CPSF6: variants seen among roughly 807,000 people sequenced by gnomAD.
The protein encoded by CPSF6 is cleavage and polyadenylation specificity factor subunit 6.
Under a neutral mutation model 56.7 loss-of-function variants are expected in CPSF6, and 10 were observed. The observed-to-expected ratio is 0.18, with a 90% CI of 0.11 to 0.30. The LOEUF (loss-of-function observed/expected upper bound fraction) is 0.30, where lower values mean the gene tolerates loss of function less well. Among genes scored for constraint, CPSF6 ranks in the 10% least tolerant of loss-of-function variants. The pLI is 1.00. For synonymous variants in CPSF6, 248 were observed against 244.8 expected, an observed-to-expected ratio of 1.01 and a Z score of -0.12; for missense variants, 419 against 722.9, an observed-to-expected ratio of 0.58 and a Z score of 4.82.
At chr12:69,248,491 G>A (rs1872031451) in intron 1 of CPSF6, among the ~76,000 whole-genome samples, 1 of 152,294 alleles carries the variant, frequency 6.6e-6, no homozygotes, top group African/African-American at 2.4e-5. Context: ...AGTATCTTAA[G>A]TGCATGGAAC....
chr12:69,256,429 T>A (rs1872512093), intron 3 of CPSF6, among the ~76,000 whole-genome samples: 1 of 152,238 alleles, frequency 6.6e-6, no homozygotes, highest in Non-Finnish European at 1.5e-5. Context: ...TTTTAGTTTT[T>A]AAAATTATTT....
chr12:69,251,946 ATGTT>A (rs1454308003), intron 2 of CPSF6: 52 of 441,922 alleles, frequency 1.2e-4, no homozygotes, highest in South Asian at 4.0e-4. Context: ...GTCCTATAGA[ATGTT>A]TGTATTTCTA....
Position 69,258,619 on chromosome 12 carries a change from G to T in CPSF6, c.724G>T (p.Gly242Cys). The T allele has an allele frequency of 6.2e-7, 1 of 1,613,070 alleles. No homozygotes were observed. The highest frequency in any genetic ancestry group is 8.5e-7 in the Non-Finnish European group (1 of 1,179,614). Residue 242 changes from glycine (G) to cysteine (C), a missense_variant, in exon 6 of 10, where the codon GGT becomes TGT. Gly to Cys is a radical substitution (Grantham distance 159, BLOSUM62 -3). Around this residue, in one of 4 missense-constraint regions of CPSF6, gnomAD observed 211 missense variants for 296.0 expected, o/e 0.71. Transcript: ENST00000435070. The surrounding 1 kb of genome is among the most constrained non-coding windows in gnomAD (Gnocchi z 4.2). ...ACAGACTCCACCACGTCCACCCTTA[G>T]GTCCTCCAGGCCCACCTGGTCCACC... ...AGQTPPRPPL[G>C]PPGPPGPPGP... is the part of the protein sequence containing the mutation.
intron 3 of CPSF6, among the ~76,000 whole-genome samples, chr12:69,255,806 A>C (rs1361801686): frequency 6.6e-6 from 1 of 152,034 alleles, no homozygotes. Context: ...CAAAGTGCTG[A>C]GATTATAGGC....
chr12:69,274,022 A>G lies in CPSF6; in HGVS notation c.*4514A>G, dbSNP rs1209069137. On this transcript the variant is annotated 3_prime_UTR_variant, in exon 10 of 10. Transcript: ENST00000435070. ...TGTTTAATATCAGAAGGCCAAAGAA[A>G]GTCTTAAAATTTTAGCTATTGACTC... 1 of 151,772 alleles carries G rather than the reference A, an allele frequency of 6.6e-6. No individual in the cohort carries two copies. Among genetic ancestry groups the G allele is most frequent in the Non-Finnish European group, 1.5e-5 (1 of 67,854 alleles). 9.4% of individuals were successfully genotyped at this position (151,772 alleles called of 1,614,324 possible). A position where few individuals can be genotyped will look rare whatever the true frequency, so the allele number is the denominator to read the frequency against.
At position 69,274,070 on chromosome 12, in the gene CPSF6, T is replaced by A. The variant is rs1175090811; in HGVS notation, c.*4562T>A. 6.6e-6 allele frequency: 1 copy of A among 151,156 alleles called. No individual in the cohort carries two copies. Among genetic ancestry groups the A allele is most frequent in the Non-Finnish European group, 1.5e-5 (1 of 67,716 alleles). The allele number at this position is 151,156 out of a possible 1,614,324, so 9.4% of individuals were successfully genotyped here. Reference sequence around the variant, plus strand: ...CTCTATGGTGACTTCACAATAAGATTTCTGTGCAAAAAGGTAAGGTGATAA... The same window carrying A: ...CTCTATGGTGACTTCACAATAAGATATCTGTGCAAAAAGGTAAGGTGATAA... On this transcript the variant is annotated 3_prime_UTR_variant, in exon 10 of 10. Coordinates refer to ENST00000435070, the MANE Select transcript of CPSF6 (RefSeq NM_007007.3).
chr12:69,260,237 T>C, intron 8 of CPSF6, 40 bp downstream of exon 8: 1 of 1,443,852 alleles, frequency 6.9e-7, no homozygotes, highest in Non-Finnish European at 9.3e-7. Flanking sequence ...AAAAAACTGT[T>C]AGTTTACAAA....
At position 69,271,430 on chromosome 12, in the gene CPSF6, A is replaced by T. The variant is rs1184076933; in HGVS notation, c.*1922A>T. ...GTAAGTAAAATGTCCATGAAAATAA[A>T]ATTTTCTTTGAACAGTTTAAAAATG... On this transcript the variant is annotated 3_prime_UTR_variant, in exon 10 of 10. Transcript: ENST00000435070. 2 of 151,960 alleles carry T rather than the reference A, an allele frequency of 1.3e-5. No homozygotes were observed. The highest frequency in any genetic ancestry group is 3.0e-5 in the Non-Finnish European group (2 of 67,706). 9.4% of individuals were successfully genotyped at this position (151,960 alleles called of 1,614,324 possible).
rs1293005557 is a variant in CPSF6, at chr12:69,270,437, TG to T, written c.*930del. On this transcript the variant is annotated 3_prime_UTR_variant, in exon 10 of 10. Transcript: ENST00000435070. ...TGAAGAAATTTTGACAATTCCGATTTGATGCTGCAATTACTTGCTGTTTTTA... is the reference window on the plus strand; with the variant it reads ...TGAAGAAATTTTGACAATTCCGATTTATGCTGCAATTACTTGCTGTTTTTA... 3 of 152,018 alleles carry T rather than the reference TG, an allele frequency of 2.0e-5. No homozygotes were observed. In the East Asian group the frequency reaches 5.8e-4, roughly 29 times the overall value. 9.4% of individuals were successfully genotyped at this position (152,018 alleles called of 1,614,324 possible).
intron 9 of CPSF6, among the ~76,000 whole-genome samples, chr12:69,266,390 C>G (rs1313302029): frequency 2.6e-5 from 4 of 152,084 alleles, no homozygotes; most frequent in Admixed American, 1.3e-4. Context: ...GAAGTGATCC[C>G]TTGAATGGAT....
intron 6 of CPSF6, 66 bp from the exon 7 acceptor site, chr12:69,259,362 A>G: frequency 1.3e-6 from 2 of 1,563,638 alleles, no homozygotes; most frequent in South Asian, 1.2e-5. Context: ...GAATTGCTAT[A>G]CACTGTTGTG....
chr12:69,268,919 A>C (rs1364425791), intron 9 of CPSF6, among the ~76,000 whole-genome samples: 1 of 151,828 alleles, frequency 6.6e-6, no homozygotes, highest in East Asian at 1.9e-4. Flanking sequence ...TTACGTCTAA[A>C]GATTTGTACG....
Position 69,248,199 on chromosome 12 carries a change from T to C in CPSF6, c.61-2930T>C, listed in dbSNP as rs542261468. On this transcript the variant is annotated intron_variant, in intron 1 of 9. Transcript: ENST00000435070. Reference sequence around the variant, plus strand: ...TGCTTGTAAATTTTTTGTCTACTTATGTAAACATTTTCACAGGTTTGTAGC... The same window carrying C: ...TGCTTGTAAATTTTTTGTCTACTTACGTAAACATTTTCACAGGTTTGTAGC... Among the ~76,000 whole-genome samples, 3 of 152,386 alleles carry C rather than the reference T, an allele frequency of 2.0e-5. No individual in the cohort carries two copies. In the East Asian group the frequency reaches 5.8e-4, roughly 29 times the overall value.
intron 1 of CPSF6, among the ~76,000 whole-genome samples, chr12:69,243,680 A>G (rs549799618): frequency 1.3e-5 from 2 of 152,278 alleles, no homozygotes; most frequent in South Asian, 2.1e-4. Flanking sequence ...AGGAACCTGC[A>G]TGATTGGAAG....
In CPSF6 at chr12:69,272,156, T is replaced by TTG. The variant is rs144880272; in HGVS notation, c.*2649_*2650insGT. 3.9e-3 allele frequency: 79 copies of TTG among 20,490 alleles called. No individual in the cohort carries two copies. Among genetic ancestry groups the TTG allele is most frequent in the African/African-American group, 6.4e-3 (75 of 11,660 alleles). The allele number at this position is 20,490 out of a possible 1,614,324, so 1.3% of individuals were successfully genotyped here. A position where few individuals can be genotyped will look rare whatever the true frequency, so the allele number is the denominator to read the frequency against. On this transcript the variant is annotated 3_prime_UTR_variant, in exon 10 of 10. Coordinates refer to ENST00000435070, the MANE Select transcript of CPSF6 (RefSeq NM_007007.3). ...TCCAGTGTAAATTTGCAGATGTGTG[T>TTG]TTTTTTTTTTTGTCACTTTTCATAA...
chr12:69,266,071 G>GT (rs1477104981), intron 9 of CPSF6, among the ~76,000 whole-genome samples: 6 of 148,146 alleles, frequency 4.1e-5, no homozygotes, highest in South Asian at 4.3e-4. Context: ...ATTCTTACAT[G>GT]TTAAAGATGT....
intron 9 of CPSF6, among the ~76,000 whole-genome samples, chr12:69,265,312 G>A (rs935511852): frequency 1.3e-5 from 2 of 152,008 alleles, no homozygotes; most frequent in African/African-American, 2.4e-5. Flanking sequence ...AGTGCTTTAC[G>A]ATTGTACATT....
chr12:69,245,336 C>T (rs1592792281), intron 1 of CPSF6, among the ~76,000 whole-genome samples: 1 of 152,074 alleles, frequency 6.6e-6, no homozygotes, highest in East Asian at 1.9e-4. Context: ...ATAATCTGAC[C>T]ACCTGGACCA....
Position 69,256,679 on chromosome 12 carries a change from C to A in CPSF6, c.375-18C>A. ...ATCTCTTTTTACTTTGTATCCTCACCCCTTAAACACTTTTTAGGTTTGCCC... is the reference window on the plus strand; with the variant it reads ...ATCTCTTTTTACTTTGTATCCTCACACCTTAAACACTTTTTAGGTTTGCCC... On this transcript the variant is annotated intron_variant, in intron 3 of 9. Transcript: ENST00000435070. 6.3e-7 allele frequency: 1 copy of A among 1,598,704 alleles called. No homozygotes were observed. Among genetic ancestry groups the A allele is most frequent in the South Asian group, 1.1e-5 (1 of 88,128 alleles).
Sources: gnomAD v4.1 joint callset for allele counts (sites outside exome capture counted in the v4.1 genomes callset) on GRCh38, gnomAD v4.1.1 for gene constraint, gnomAD v4.1.1 regional missense constraint, Gnocchi (gnomAD v3.1) non-coding constraint, MANE v1.5 for transcripts, NCBI Gene and HGNC (gene_info 2026-07-23, HGNC 2026-07-21) for gene names.